Variants in CNTN3 observed in about 807,000 individuals in gnomAD.
CNTN3 encodes contactin-3.
CNTN3 carries 60 observed loss-of-function variants against 119.1 expected under a neutral mutation model. That is an observed-to-expected ratio of 0.50 (90% CI 0.41 to 0.62). CNTN3 has a LOEUF of 0.62. Ranked by LOEUF, CNTN3 falls within the 20% of genes least tolerant of loss-of-function variation. The probability of loss-of-function intolerance (pLI) is 0.00; values close to 1 mark genes in which losing one functional copy is unlikely to be tolerated. For synonymous variants in CNTN3, 450 were observed against 438.7 expected, an observed-to-expected ratio of 1.03 and a Z score of -0.32; for missense variants, 1,101 against 1,242.4, an observed-to-expected ratio of 0.89 and a Z score of 1.71.
At chr3:74,296,520 G>T (rs1702341051) in intron 18 of CNTN3, among the ~76,000 whole-genome samples, 1 of 152,132 alleles carries the variant, frequency 6.6e-6, no homozygotes. Context: ...AACCAAAAGT[G>T]AGAACACAAG....
chr3:74,296,611 T>C (rs1575705301), intron 18 of CNTN3, among the ~76,000 whole-genome samples: 1 of 152,324 alleles, frequency 6.6e-6, no homozygotes, highest in African/African-American at 2.4e-5. Flanking sequence ...TTTTGCAACT[T>C]ACTGTCAGGT....
chr3:74,358,313 C>G (rs1157579687), intron 11 of CNTN3, among the ~76,000 whole-genome samples: 1 of 152,036 alleles, frequency 6.6e-6, no homozygotes, highest in Non-Finnish European at 1.5e-5. Flanking sequence ...AGCAGAGTGT[C>G]AGAAGGCTTG....
At chr3:74,567,000 T>C (rs1191080970) in intron 1 of CNTN3, among the ~76,000 whole-genome samples, 1 of 152,124 alleles carries the variant, frequency 6.6e-6, no homozygotes, top group Non-Finnish European at 1.5e-5. Context: ...AGAGATGCCA[T>C]TATAGCAGTC....
chr3:74,559,619 A>G (rs1397929801), intron 1 of CNTN3, among the ~76,000 whole-genome samples: 1 of 5,212 alleles, frequency 1.9e-4, no homozygotes, highest in Admixed American at 3.6e-3. Flanking sequence ...AAAGAAAAGA[A>G]AAAAAAAAAG....
chr3:74,400,310 C>T (rs1444902500), intron 5 of CNTN3, among the ~76,000 whole-genome samples: 1 of 152,130 alleles, frequency 6.6e-6, no homozygotes, highest in African/African-American at 2.4e-5. Context: ...CTCCATTTAA[C>T]AGATGGGAAC....
At chr3:74,515,827 G>A (rs759929582) in intron 2 of CNTN3, among the ~76,000 whole-genome samples, 7 of 151,986 alleles carry the variant, frequency 4.6e-5, no homozygotes, top group Admixed American at 3.9e-4. Context: ...GAAGTTCAGC[G>A]TTTGACCATT....
At chr3:74,553,495 C>G (rs182104912) in intron 1 of CNTN3, among the ~76,000 whole-genome samples, 7 of 152,228 alleles carry the variant, frequency 4.6e-5, no homozygotes, top group African/African-American at 1.7e-4. Flanking sequence ...GTTCTAGATC[C>G]TTGAGGAATC....
At chr3:74,438,307 T>C (rs1701905541) in intron 4 of CNTN3, among the ~76,000 whole-genome samples, 1 of 152,204 alleles carries the variant, frequency 6.6e-6, no homozygotes, top group Non-Finnish European at 1.5e-5. Flanking sequence ...ACAAATTTCT[T>C]AGACACTTTG....
chr3:74,613,233 G>A (rs1297209288), intron 1 of CNTN3, among the ~76,000 whole-genome samples: 1 of 150,344 alleles, frequency 6.7e-6, no homozygotes, highest in Non-Finnish European at 1.5e-5. Context: ...ATCTCTGTGG[G>A]GGTAGACAGA....
Position 74,575,606 on chromosome 3 carries a change from A to AACACACACAG in CNTN3, c.-81+38784_-81+38785insCTGTGTGTGT, listed in dbSNP as rs1553682846. Reference sequence around the variant, plus strand: ...ATTCATTTCCTCTTCAGTCTCTCCCAACACACACACACACACACACACACA... The same window carrying AACACACACAG: ...ATTCATTTCCTCTTCAGTCTCTCCCAACACACACAGACACACACACACACACACACACACA... On this transcript the variant is annotated intron_variant, in intron 1 of 22. Coordinates refer to ENST00000263665, the MANE Select transcript of CNTN3 (RefSeq NM_020872.3). Among the ~76,000 whole-genome samples the AACACACACAG allele has an allele frequency of 1.2e-4, 16 of 135,172 alleles. 1 individual carries two copies. The East Asian group carries it at 3.3e-3, about 28-fold the overall frequency. The allele number at this position is 135,172 out of a possible 152,430, so 88.7% of individuals were successfully genotyped here.
At chr3:74,394,923 CTT>C (rs1234602592) in intron 5 of CNTN3, among the ~76,000 whole-genome samples, 1 of 151,968 alleles carries the variant, frequency 6.6e-6, no homozygotes, top group East Asian at 1.9e-4. Flanking sequence ...AAATATGACT[CTT>C]TTATTGTACA....
At chr3:74,317,851 G>A (rs1207669614) in intron 13 of CNTN3, among the ~76,000 whole-genome samples, 28 of 152,148 alleles carry the variant, frequency 1.8e-4, no homozygotes, top group South Asian at 1.5e-3. Flanking sequence ...TCTTTGTGCC[G>A]TTCTCTGTAT....
chr3:74,479,242 A>T (rs759263341), intron 4 of CNTN3, among the ~76,000 whole-genome samples: 2 of 151,694 alleles, frequency 1.3e-5, no homozygotes, highest in Non-Finnish European at 2.9e-5. Flanking sequence ...GGACCCACAG[A>T]GTAACCAAGA....
At chr3:74,541,943 T>C (rs1310542582) in intron 1 of CNTN3, among the ~76,000 whole-genome samples, 2 of 152,146 alleles carry the variant, frequency 1.3e-5, no homozygotes, top group Non-Finnish European at 2.9e-5. Flanking sequence ...TGTTTAAACA[T>C]GTAGTATGGA....
At chr3:74,462,212 C>T (rs1702383062) in intron 4 of CNTN3, among the ~76,000 whole-genome samples, 1 of 152,086 alleles carries the variant, frequency 6.6e-6, no homozygotes, top group Non-Finnish European at 1.5e-5. Context: ...TCCTCAGAAG[C>T]TGCTATGCTT....
chr3:74,366,780 G>GTGTGTATATATATATATA (rs1447686332), intron 8 of CNTN3, among the ~76,000 whole-genome samples: 29 of 63,694 alleles, frequency 4.6e-4, no homozygotes, highest in South Asian at 1.7e-3. Context: ...GTGTGTGTGT[G>GTGTGTATATATATATATA]TATATATATA....
rs1441422619 is a variant in CNTN3, at chr3:74,365,919, CT to C, written c.947-218del. Reference sequence around the variant, plus strand: ...TACATTTGAGGATGGAAGTTGCAATCTGTTATTTCCTAAGGCAAATTAATTA... The same window carrying C: ...TACATTTGAGGATGGAAGTTGCAATCGTTATTTCCTAAGGCAAATTAATTA... On this transcript the variant is annotated intron_variant, in intron 8 of 22. Coordinates refer to ENST00000263665, the MANE Select transcript of CNTN3 (RefSeq NM_020872.3). Among the ~76,000 whole-genome samples the C allele has an allele frequency of 8.5e-5, 13 of 152,190 alleles. No homozygotes were observed. The East Asian group carries it at 2.5e-3, about 29-fold the overall frequency.
chr3:74,366,226 T>TA (rs1477592126), intron 8 of CNTN3, among the ~76,000 whole-genome samples: 6 of 152,098 alleles, frequency 3.9e-5, no homozygotes, highest in African/African-American at 7.2e-5. Context: ...GTGAGCATCT[T>TA]AAGAACCTCT....
Position 74,369,336 on chromosome 3 carries a change from G to C in CNTN3, c.799C>G (p.Leu267Val). 5 of 1,606,466 alleles carry C rather than the reference G, an allele frequency of 3.1e-6. No homozygotes were observed. Among genetic ancestry groups the C allele is most frequent in the Admixed American group, 1.7e-5 (1 of 58,784 alleles). Residue 267 changes from leucine to valine, a missense_variant, in exon 8 of 23, where the codon CTG (leucine) becomes GTG (valine). Leu to Val is a conservative substitution (Grantham distance 32, BLOSUM62 1). Coordinates refer to ENST00000263665, the MANE Select transcript of CNTN3 (RefSeq NM_020872.3). ...AATTTAATTTTGCTGGAAAATGGCA[G>C]CCCATCACTTCTTCTCCAATTAATC... ...PQINWRRSDG[L>V]PFSSKIKLRK... is the part of the protein sequence containing the mutation.
Sources: allele counts gnomAD v4.1 joint callset (sites outside exome capture counted in the v4.1 genomes callset), GRCh38; gene constraint gnomAD v4.1.1; transcripts MANE v1.5; gene names NCBI Gene and HGNC (gene_info 2026-07-23, HGNC 2026-07-21).